The following RBM17 variants were observed in gnomAD, a reference collection of about 807,000 sequenced individuals.
RBM17 encodes the protein RNA binding motif protein 17, also known as splicing factor 45.
A neutral mutation model predicts 53.2 loss-of-function variants in RBM17; 7 were observed. The ratio of observed to expected loss-of-function variants is 0.13; its 90% CI spans 0.07 to 0.25. The LOEUF (loss-of-function observed/expected upper bound fraction) is 0.25. Ranked by LOEUF, RBM17 falls within the 10% of genes least tolerant of loss-of-function variation. The probability of loss-of-function intolerance (pLI) is 1.00; values close to 1 mark genes in which losing one functional copy is unlikely to be tolerated. For synonymous variants in RBM17, 167 were observed against 178.1 expected, an observed-to-expected ratio of 0.94 and a Z score of 0.50; for missense variants, 257 against 496.7, an observed-to-expected ratio of 0.52 and a Z score of 4.59.
chr10:6,112,246 C>T lies in RBM17; in HGVS notation c.741C>T (p.Gly247=). The part of the protein sequence containing the change: ...TVAHKIMQKY[G]FREGQGLGKH... ...CGCACAAGATCATGCAGAAGTACGGCTTCCGGGAGGGCCAGGGTCTGGGGA... is the reference window on the plus strand; with the variant it reads ...CGCACAAGATCATGCAGAAGTACGGTTTCCGGGAGGGCCAGGGTCTGGGGA... Residue 247 remains glycine (G), a synonymous_variant, in exon 8 of 12, where the codon GGC becomes GGT. Transcript: ENST00000379888. The surrounding 1 kb of genome is among the most constrained non-coding windows in gnomAD (Gnocchi z 4.4). 1.2e-6 allele frequency: 2 copies of T among 1,613,500 alleles called. No individual in the cohort carries two copies. The highest frequency in any genetic ancestry group is 8.5e-7 in the Non-Finnish European group (1 of 1,179,988).
At chr10:6,096,661 T>A (rs539150982) in intron 1 of RBM17, among the ~76,000 whole-genome samples, 5 of 152,324 alleles carry the variant, frequency 3.3e-5, no homozygotes, top group Non-Finnish European at 7.4e-5. Flanking sequence ...TTGTGCTACA[T>A]CAACCTGCTA....
At chr10:6,094,565 G>T (rs1224801581) in intron 1 of RBM17, among the ~76,000 whole-genome samples, 1 of 152,190 alleles carries the variant, frequency 6.6e-6, no homozygotes, top group African/African-American at 2.4e-5. Flanking sequence ...GATGAAGAGG[G>T]CTCAAAAGAT....
intron 1 of RBM17, among the ~76,000 whole-genome samples, chr10:6,096,759 A>C (rs1840582863): frequency 6.6e-6 from 1 of 152,210 alleles, no homozygotes. Context: ...ATAATGTTCC[A>C]ATTCTTACCT....
At position 6,115,203 on chromosome 10, in the gene RBM17, A is replaced by G. The variant is rs371147078; in HGVS notation, c.1030-36A>G. ...AGAAAACTCATTCAATGCAATCTCA[A>G]ATGCCTTTACTCATCACGCTCTCAT... On this transcript the variant is annotated intron_variant, in intron 10 of 11. Transcript: ENST00000379888. The G allele has an allele frequency of 2.6e-6, 4 of 1,546,430 alleles. No homozygotes were observed. In the African/African-American group the frequency reaches 5.5e-5, roughly 21 times the overall value.
intron 1 of RBM17, among the ~76,000 whole-genome samples, chr10:6,091,336 G>A (rs544536964): frequency 1.6e-3 from 245 of 152,320 alleles, no homozygotes; most frequent in South Asian, 3.3e-3. Context: ...TGGGATTACA[G>A]GCGTGAGCCA....
At chr10:6,108,431 C>T (rs1840788004) in intron 5 of RBM17, 2 of 470,264 alleles carry the variant, frequency 4.3e-6, no homozygotes, top group Admixed American at 4.2e-5. Context: ...CATTTGCAGA[C>T]TACATTGTGG....
At chr10:6,109,491 T>TA (rs1386038152) in intron 6 of RBM17, among the ~76,000 whole-genome samples, 1 of 152,218 alleles carries the variant, frequency 6.6e-6, no homozygotes, top group Non-Finnish European at 1.5e-5. Context: ...TGGATGGTCT[T>TA]AAAGCGTCCT....
Position 6,109,993 on chromosome 10 carries a change from A to T in RBM17, c.570A>T (p.Arg190=), listed in dbSNP as rs1335960686. 6.2e-7 allele frequency: 1 copy of T among 1,606,304 alleles called. No individual in the cohort carries two copies. The highest frequency in any genetic ancestry group is 8.5e-7 in the Non-Finnish European group (1 of 1,176,152). Residue 190 remains arginine, a synonymous_variant, in exon 7 of 12, where the codon CGA becomes CGT. Transcript: ENST00000379888. ...SLVEKDKELP[R]DFPYEEDSRP... ...TTTATTTTTCTCCAATAGTACCCCG[A>T]GATTTTCCTTATGAAGAGGACTCAA...
chr10:6,097,230 TG>T, intron 2 of RBM17, 42 bp downstream of exon 2: 1 of 1,597,640 alleles, frequency 6.3e-7, no homozygotes, highest in Non-Finnish European at 8.5e-7. Flanking sequence ...GCCTCCAGAG[TG>T]GGTTCCTCAT....
intron 6 of RBM17, 25 bp from the exon 7 acceptor site, chr10:6,109,961 A>G (rs1487458094): frequency 1.9e-6 from 3 of 1,580,458 alleles, no homozygotes; most frequent in Non-Finnish European, 2.6e-6. Context: ...TATTTTGGTG[A>G]GCCTACTTTA....
rs1000547012 is a variant in RBM17 at position 6,116,915 on chromosome 10, G to A, written c.*1359G>A. ...TTCTGTAAAGTAAGTTGGGGTTAAG[G>A]AATGTGAGGTAAATTACATAATTGA... is the stretch of plus-strand genomic sequence containing the variant. On this transcript the variant is annotated 3_prime_UTR_variant, in exon 12 of 12. Coordinates refer to ENST00000379888, the MANE Select transcript of RBM17 (RefSeq NM_032905.5). 1.3e-5 allele frequency: 2 copies of A among 152,276 alleles called. No individual in the cohort carries two copies. The highest frequency in any genetic ancestry group is 2.9e-5 in the Non-Finnish European group (2 of 68,018). 9.4% of individuals were successfully genotyped at this position (152,276 alleles called of 1,614,324 possible).
At chr10:6,094,052 G>A (rs1194394028) in intron 1 of RBM17, among the ~76,000 whole-genome samples, 5 of 138,632 alleles carry the variant, frequency 3.6e-5, no homozygotes, top group African/African-American at 1.4e-4. Flanking sequence ...TTGGCTCACC[G>A]CAAGCTCTGC....
intron 7 of RBM17, among the ~76,000 whole-genome samples, chr10:6,111,820 C>T (rs973663122): frequency 1.3e-5 from 2 of 152,182 alleles, no homozygotes; most frequent in African/African-American, 4.8e-5. Flanking sequence ...ATGGGATCAT[C>T]TTCATTGTAC....
chr10:6,093,968 A>ATTTTTTTTTTTTTTTTTTTTTTTTTT (rs71390121), intron 1 of RBM17, among the ~76,000 whole-genome samples: 1 of 93,264 alleles, frequency 1.1e-5, no homozygotes. Context: ...CAAGTGTGGA[A>ATTTTTTTTTTTTTTTTTTTTTTTTTT]TTTTTTTTTT....
At chr10:6,098,556 G>GGTTTTTGTTTTTTTTTTTTTT (rs1840613398) in intron 2 of RBM17, among the ~76,000 whole-genome samples, 4 of 87,974 alleles carry the variant, frequency 4.5e-5, no homozygotes, top group South Asian at 4.3e-4. Context: ...TAATACACAG[G>GGTTTTTGTTTTTTTTTTTTTT]TTTTTTGTTT....
At chr10:6,094,515 G>A (rs1471270460) in intron 1 of RBM17, among the ~76,000 whole-genome samples, 3 of 152,206 alleles carry the variant, frequency 2.0e-5, no homozygotes, top group Non-Finnish European at 4.4e-5. Context: ...AAGAACAGAA[G>A]AACCTGTAGT....
intron 2 of RBM17, among the ~76,000 whole-genome samples, chr10:6,098,593 T>TTTTTTTTTG (rs1840620094): frequency 8.0e-6 from 1 of 125,162 alleles, no homozygotes; most frequent in Non-Finnish European, 1.6e-5. Flanking sequence ...TTTTTTTTTT[T>TTTTTTTTTG]GAGACGTAGT....
At chr10:6,092,243 G>A (rs896435218) in intron 1 of RBM17, among the ~76,000 whole-genome samples, 13 of 152,188 alleles carry the variant, frequency 8.5e-5, no homozygotes, top group African/African-American at 2.7e-4. Context: ...CCTGGCAGCA[G>A]ACCTAATGAA....
intron 4 of RBM17, among the ~76,000 whole-genome samples, chr10:6,105,639 A>G (rs1175931179): frequency 1.3e-5 from 2 of 152,204 alleles, no homozygotes; most frequent in Non-Finnish European, 2.9e-5. Flanking sequence ...ACTATTTTTG[A>G]GCCAGGTGGA....
Sources: gnomAD v4.1 joint callset for allele counts (sites outside exome capture counted in the v4.1 genomes callset) on GRCh38, gnomAD v4.1.1 for gene constraint, Gnocchi (gnomAD v3.1) non-coding constraint, MANE v1.5 for transcripts, NCBI Gene and HGNC (gene_info 2026-07-23, HGNC 2026-07-21) for gene names.